The following PDXDC1 variants were observed in gnomAD, a reference collection of about 807,000 sequenced individuals.
PDXDC1 encodes pyridoxal-dependent decarboxylase domain-containing protein 1.
A neutral mutation model predicts 100.1 loss-of-function variants in PDXDC1; 42 were observed. The observed-to-expected ratio is 0.42, with a 90% CI of 0.33 to 0.54. PDXDC1 has a LOEUF of 0.54. Among genes scored for constraint, PDXDC1 ranks in the 20% least tolerant of loss-of-function variants. PDXDC1 has a pLI of 0.10. For missense variants in PDXDC1, 636 were observed against 979.2 expected, an observed-to-expected ratio of 0.65 and a Z score of 4.68; for synonymous variants, 260 against 371.7, an observed-to-expected ratio of 0.70 and a Z score of 3.46.
At chr16:15,075,194 G>A (rs1471719636) in intron 16 of PDXDC1, among the ~76,000 whole-genome samples, 1 of 150,558 alleles carries the variant, frequency 6.6e-6, no homozygotes, top group Non-Finnish European at 1.5e-5. Flanking sequence ...GGAGGCTACA[G>A]TGAGCCGAGT....
the PDXDC1 span, among the ~76,000 whole-genome samples, chr16:15,152,043 C>T: frequency 5.5e-4 from 82 of 149,662 alleles, 3 homozygotes; most frequent in East Asian, 1.9e-3. Flanking sequence ...GCTCTGCCCA[C>T]GTCTCCCCAC....
intron 16 of PDXDC1, chr16:15,131,547 C>A: frequency 6.2e-7 from 1 of 1,609,668 alleles, no homozygotes; most frequent in Non-Finnish European, 8.5e-7. Flanking sequence ...CCGCCAGTGT[C>A]AGGGGCTCCT....
chr16:14,988,736 C>G, intron 1 of PDXDC1: 1 of 1,613,804 alleles, frequency 6.2e-7, no homozygotes. Flanking sequence ...TGTTCTGCAG[C>G]ACGTCGGGGT....
intron 8 of PDXDC1, chr16:15,010,230 TAGA>T (rs1392230700): frequency 1.2e-5 from 2 of 162,284 alleles, no homozygotes; most frequent in Non-Finnish European, 2.7e-5. Context: ...GTATTTTTAG[TAGA>T]GACAGGGTTT....
intron 16 of PDXDC1, among the ~76,000 whole-genome samples, chr16:15,122,293 G>A (rs1237329297): frequency 9.4e-5 from 14 of 148,992 alleles, no homozygotes; most frequent in African/African-American, 1.5e-4. Context: ...TCACTGCAAC[G>A]TCCAGCTCCT....
intron 16 of PDXDC1, chr16:15,070,202 T>TA (rs775691318): frequency 1.9e-6 from 3 of 1,607,418 alleles, no homozygotes. Flanking sequence ...TCCTGGTTAT[T>TA]AAGGTATATG....
At chr16:15,150,476 C>T in the PDXDC1 span, among the ~76,000 whole-genome samples, 739 of 151,538 alleles carry the variant, frequency 4.9e-3, 5 homozygotes, top group African/African-American at 0.017. Flanking sequence ...ACCAGCCTGA[C>T]CAACATGGTG....
rs1239603603 is a variant in PDXDC1, at chr16:15,132,656, T to C, written c.1400-6223T>C. ...CCTCGGCCAAGCTGCCCGTCTGCCC[T>C]GGGGGGCTGAACCCAGTACCCTGGC... On this transcript the variant is annotated intron_variant, in intron 16 of 16. Coordinates refer to the PDXDC1 transcript ENST00000535621. The C allele has an allele frequency of 8.1e-6, 6 of 738,290 alleles. No individual in the cohort carries two copies. The Middle Eastern group carries it at 1.1e-3, about 135-fold the overall frequency. 45.7% of individuals were successfully genotyped at this position (738,290 alleles called of 1,614,324 possible).
At chr16:15,070,109 A>T in intron 16 of PDXDC1, 1 of 1,598,748 alleles carries the variant, frequency 6.3e-7, no homozygotes. Context: ...TTGTGTCTAA[A>T]AACAAAGGTG....
chr16:15,020,812 C>G (rs1343822933), intron 12 of PDXDC1, among the ~76,000 whole-genome samples: 1 of 149,500 alleles, frequency 6.7e-6, no homozygotes, highest in African/African-American at 2.5e-5. Flanking sequence ...GGTGAGACTC[C>G]GTCTCTATTA....
chr16:15,119,413 T>C (rs1167854029), intron 16 of PDXDC1, among the ~76,000 whole-genome samples: 9 of 146,156 alleles, frequency 6.2e-5, no homozygotes, highest in Admixed American at 1.4e-4. Context: ...AAAAAATTTT[T>C]TTTGTTTTTT....
chr16:15,089,668 C>T (rs1022178696), intron 16 of PDXDC1, among the ~76,000 whole-genome samples: 3 of 148,928 alleles, frequency 2.0e-5, no homozygotes, highest in Non-Finnish European at 3.0e-5. Flanking sequence ...GCGGTGGTGG[C>T]GGGCGAGTGT....
chr16:14,988,161 G>A, intron 1 of PDXDC1: 7 of 1,541,304 alleles, frequency 4.5e-6, no homozygotes, highest in East Asian at 2.3e-5. Flanking sequence ...AGGCACAAAG[G>A]GCGGGTGCTT....
chr16:15,079,584 G>A (rs1268561768), intron 16 of PDXDC1, among the ~76,000 whole-genome samples: 1 of 138,724 alleles, frequency 7.2e-6, no homozygotes, highest in African/African-American at 2.5e-5. Context: ...AATGGTGCTA[G>A]TGGTTTCTTT....
At chr16:15,112,151 C>G (rs1013599476) in intron 16 of PDXDC1, among the ~76,000 whole-genome samples, 3 of 148,404 alleles carry the variant, frequency 2.0e-5, no homozygotes, top group Admixed American at 6.8e-5. Flanking sequence ...TTGTTCTCAT[C>G]ATAGCTAAAA....
chr16:14,993,557 G>A (rs1211080383), intron 1 of PDXDC1, among the ~76,000 whole-genome samples: 1 of 152,286 alleles, frequency 6.6e-6, no homozygotes, highest in African/African-American at 2.4e-5. Flanking sequence ...GGACATTTGG[G>A]TTGGTTCCAA....
intron 16 of PDXDC1, among the ~76,000 whole-genome samples, chr16:15,110,024 G>A (rs1233202322): frequency 6.8e-6 from 1 of 147,384 alleles, no homozygotes; most frequent in East Asian, 2.0e-4. Flanking sequence ...CGTGGTGGTG[G>A]GCACCTGTAA....
chr16:15,129,081 A>G (rs998097288), intron 16 of PDXDC1, among the ~76,000 whole-genome samples: 2 of 151,822 alleles, frequency 1.3e-5, no homozygotes, highest in African/African-American at 4.8e-5. Flanking sequence ...CTCGGATTAC[A>G]GGTGTGAGCC....
intron 1 of PDXDC1, among the ~76,000 whole-genome samples, chr16:14,977,876 A>G (rs1432678543): frequency 6.6e-6 from 1 of 152,300 alleles, no homozygotes; most frequent in Non-Finnish European, 1.5e-5. Flanking sequence ...TATACTGATT[A>G]CAGAAACCAC....
Sources: allele counts gnomAD v4.1 joint callset (sites outside exome capture counted in the v4.1 genomes callset), GRCh38; gene constraint gnomAD v4.1.1; transcripts MANE v1.5; gene names NCBI Gene and HGNC (gene_info 2026-07-23, HGNC 2026-07-21).